The following WDR11 variants were observed in gnomAD, a reference collection of about 807,000 sequenced individuals.
WDR11 encodes the protein WD repeat-containing protein 11.
WDR11 carries 83 observed loss-of-function variants against 151.2 expected under a neutral mutation model. That is an observed-to-expected ratio of 0.55 (90% confidence interval 0.46 to 0.66). WDR11 has a LOEUF of 0.66. Ranked by LOEUF, WDR11 falls within the 30% of genes least tolerant of loss-of-function variation. The pLI is 0.00. For synonymous variants in WDR11, 484 were observed against 533.1 expected, an observed-to-expected ratio of 0.91 and a Z score of 1.27; for missense variants, 1,301 against 1,480.9, an observed-to-expected ratio of 0.88 and a Z score of 1.99.
intron 19 of WDR11, among the ~76,000 whole-genome samples, chr10:120,898,249 A>G (rs1282264605): frequency 1.3e-5 from 2 of 152,216 alleles, no homozygotes; most frequent in African/African-American, 4.8e-5. Flanking sequence ...CATTTATTGT[A>G]AAATGAATTG....
intron 15 of WDR11, 31 bp from the exon 16 acceptor site, chr10:120,886,657 AC>A (rs777371090): frequency 6.8e-6 from 11 of 1,610,034 alleles, no homozygotes; most frequent in African/African-American, 1.3e-5. Flanking sequence ...GGAAAAAAAA[AC>A]ATCTTTATCA....
rs4752472 is a variant in WDR11, at chr10:120,891,143, A to C, written c.2515+256A>C. Among the ~76,000 whole-genome samples, 47,196 of 152,006 alleles carry C rather than the reference A, an allele frequency of 0.31. 7,619 individuals are homozygous for C. The highest frequency in any genetic ancestry group is 0.42 in the East Asian group (2,143 of 5,158). On this transcript the variant is annotated intron_variant, in intron 19 of 28. Coordinates refer to ENST00000263461, the MANE Select transcript of WDR11 (RefSeq NM_018117.12). ...TTTTGACTCTTTTCTTTGGTTTGTTAACAAGATAAAAGATGTTTATGTTTA... is the reference window on the plus strand; with the variant it reads ...TTTTGACTCTTTTCTTTGGTTTGTTCACAAGATAAAAGATGTTTATGTTTA...
rs537011671 is a variant in WDR11 at position 120,861,440 on chromosome 10, G to A, written c.526+1158G>A. Among the ~76,000 whole-genome samples, 6 of 152,328 alleles carry A rather than the reference G, an allele frequency of 3.9e-5. No homozygotes were observed. The South Asian group carries it at 1.0e-3, about 26-fold the overall frequency. ...GGTGCAGTGCTGGGGAAACACCTAGGAGGGCTGGCCCAGTTGGCAGAGTCA... is the reference window on the plus strand; with the variant it reads ...GGTGCAGTGCTGGGGAAACACCTAGAAGGGCTGGCCCAGTTGGCAGAGTCA... On this transcript the variant is annotated intron_variant, in intron 4 of 28. Coordinates refer to ENST00000263461, the MANE Select transcript of WDR11 (RefSeq NM_018117.12).
intron 2 of WDR11, among the ~76,000 whole-genome samples, chr10:120,854,631 A>G (rs1394897319): frequency 6.6e-6 from 1 of 152,084 alleles, no homozygotes; most frequent in African/African-American, 2.4e-5. Context: ...GAGGAGTCTA[A>G]TTTGTCCAAA....
chr10:120,852,130 A>G (rs1306416853), intron 1 of WDR11: 1 of 263,182 alleles, frequency 3.8e-6, no homozygotes, highest in Non-Finnish European at 7.4e-6. Context: ...CGTCTTGTGC[A>G]GTGTTTGTCG....
At chr10:120,896,950 G>C (rs1825398154) in intron 19 of WDR11, among the ~76,000 whole-genome samples, 1 of 152,140 alleles carries the variant, frequency 6.6e-6, no homozygotes, top group Non-Finnish European at 1.5e-5. Context: ...CCATTTCCAG[G>C]CTAAAAGGAG....
At chr10:120,906,333 C>A in intron 27 of WDR11, 2 of 1,272,870 alleles carry the variant, frequency 1.6e-6, no homozygotes, top group South Asian at 1.6e-5. Flanking sequence ...AGAGGAGGCC[C>A]AGAGAGCAGG....
chr10:120,902,292 C>G lies in WDR11; in HGVS notation c.2723C>G (p.Thr908Ser). ...IKKLLLDPEFTLLQRCLLVSR... is the reference protein window; with the variant it reads ...IKKLLLDPEFSLLQRCLLVSR... The stretch of plus-strand genomic sequence containing the variant: ...AAACTGTTGCTTGATCCAGAATTCA[C>G]TCTCTTGCAGAGGTGCCTGCTTGTT... Residue 908 changes from threonine (T) to serine (S), a missense_variant, in exon 22 of 29, where the codon ACT (threonine) becomes AGT (serine). This residue lies in a region of WDR11 where 589 missense variants were observed against 670.6 expected (regional missense o/e 0.88). Coordinates refer to ENST00000263461, the MANE Select transcript of WDR11 (RefSeq NM_018117.12). The G allele has an allele frequency of 6.2e-7, 1 of 1,614,148 alleles. No homozygotes were observed. The highest frequency in any genetic ancestry group is 8.5e-7 in the Non-Finnish European group (1 of 1,180,008).
Position 120,908,595 on chromosome 10 carries a change from G to A in WDR11, c.3557G>A (p.Ser1186Asn). 6.2e-7 allele frequency: 1 copy of A among 1,614,196 alleles called. No individual in the cohort carries two copies. The highest frequency in any genetic ancestry group is 8.5e-7 in the Non-Finnish European group (1 of 1,180,032). ...ITAIYADYAR[S>N]LKNLGFKQGA... is the part of the protein sequence containing the mutation. ...GCTATATATGCAGATTATGCCCGGA[G>A]TTTGAAGAACCTCGGTTTTAAGCAG... The change falls in exon 29 of 29, where the codon AGT becomes AAT. Residue 1186 changes from serine (S) to asparagine (N), a missense_variant. By Grantham distance (46) the Ser-to-Asn change is conservative. Transcript: ENST00000263461.
chr10:120,886,868 G>T, intron 16 of WDR11, 32 bp downstream of exon 16: 2 of 1,613,076 alleles, frequency 1.2e-6, no homozygotes, highest in Non-Finnish European at 1.7e-6. Flanking sequence ...TCTTCATCAA[G>T]AAGATTTTGT....
At chr10:120,904,202 G>A in intron 24 of WDR11, 60 bp downstream of exon 24, 1 of 1,270,740 alleles carries the variant, frequency 7.9e-7, no homozygotes, top group Non-Finnish European at 1.1e-6. Flanking sequence ...TCGTATTTCA[G>A]AGCAATATAT....
At chr10:120,860,304 A>G (rs1424235567) in intron 4 of WDR11, 22 bp downstream of exon 4, 2 of 1,609,608 alleles carry the variant, frequency 1.2e-6, no homozygotes, top group East Asian at 4.5e-5. Context: ...TTGCTTGTGG[A>G]AAATGAGTTA....
chr10:120,890,667 A>G, intron 18 of WDR11, 49 bp from the exon 19 acceptor site: 1 of 1,610,346 alleles, frequency 6.2e-7, no homozygotes, highest in African/African-American at 1.3e-5. Context: ...TAGAATAATA[A>G]AGATCTTCCT....
At chr10:120,864,763 T>A (rs1590063781) in intron 5 of WDR11, among the ~76,000 whole-genome samples, 1 of 152,200 alleles carries the variant, frequency 6.6e-6, no homozygotes, top group East Asian at 1.9e-4. Flanking sequence ...TATATTATCA[T>A]TTACCATGTC....
In WDR11 at chr10:120,902,246, T is replaced by G. The variant is rs1847854584; in HGVS notation, c.2688-11T>G. 6.2e-7 allele frequency: 1 copy of G among 1,613,758 alleles called. No homozygotes were observed. Among genetic ancestry groups the G allele is most frequent in the Non-Finnish European group, 8.5e-7 (1 of 1,179,770 alleles). On this transcript the variant is annotated splice_polypyrimidine_tract_variant and intron_variant, in intron 21 of 28. Transcript: ENST00000263461. The stretch of plus-strand genomic sequence containing the variant: ...ACTTTTGTCTCACTTTTGTCCGGAT[T>G]TCTTCCACAGTGACATAAAGAAACT...
At chr10:120,885,973 G>A (rs1157062131) in intron 15 of WDR11, 35 bp downstream of exon 15, 2 of 1,611,074 alleles carry the variant, frequency 1.2e-6, no homozygotes, top group East Asian at 2.2e-5. Flanking sequence ...TGTCATTTGT[G>A]CCATTAGCAT....
In WDR11 at chr10:120,865,613, A is replaced by G. The variant is rs1287239699; in HGVS notation, c.880-17A>G. 12 of 1,495,876 alleles carry G rather than the reference A, an allele frequency of 8.0e-6. No homozygotes were observed. The highest frequency in any genetic ancestry group is 1.1e-5 in the Non-Finnish European group (12 of 1,078,646). 92.7% of individuals were successfully genotyped at this position (1,495,876 alleles called of 1,614,324 possible). On this transcript the variant is annotated splice_polypyrimidine_tract_variant and intron_variant, in intron 6 of 28. Transcript: ENST00000263461. ...ATCTATTGTGTTTTAAAAAATAAAT[A>G]TATCATCTATTTAAAGGTAATACCC...
At chr10:120,882,548 T>TG (rs1554856564) in intron 13 of WDR11, among the ~76,000 whole-genome samples, 5 of 150,104 alleles carry the variant, frequency 3.3e-5, no homozygotes, top group Non-Finnish European at 4.5e-5. Flanking sequence ...AGTTTTGTTT[T>TG]TTTTTTTCAT....
intron 10 of WDR11, among the ~76,000 whole-genome samples, chr10:120,872,569 T>TAAAAA (rs141320456): frequency 5.3e-4 from 80 of 152,062 alleles, no homozygotes; most frequent in Non-Finnish European, 9.4e-4. Context: ...AAAGTAAAAA[T>TAAAAA]ATAAGTACCT....
Sources: gnomAD v4.1 joint callset for allele counts (sites outside exome capture counted in the v4.1 genomes callset) on GRCh38, gnomAD v4.1.1 for gene constraint, gnomAD v4.1.1 regional missense constraint, MANE v1.5 for transcripts, NCBI Gene and HGNC (gene_info 2026-07-23, HGNC 2026-07-21) for gene names.